RFTN1: variants seen among roughly 807,000 people sequenced by gnomAD.
RFTN1 encodes the protein raftlin, lipid raft linker 1, also known as raftlin.
Under a neutral mutation model 46.5 loss-of-function variants are expected in RFTN1, and 26 were observed. The ratio of observed to expected loss-of-function variants is 0.56; its 90% CI spans 0.41 to 0.78. The LOEUF (loss-of-function observed/expected upper bound fraction) is 0.78. RFTN1 is among the 30% of genes least tolerant of loss of function. The pLI is 0.00. For missense variants in RFTN1, 693 were observed against 718.7 expected (o/e 0.96, Z 0.41); for synonymous variants, 261 against 284.2 (o/e 0.92, Z 0.82).
intron 2 of RFTN1, among the ~76,000 whole-genome samples, chr3:16,490,299 A>G (rs1320550234): frequency 6.6e-6 from 1 of 152,254 alleles, no homozygotes; most frequent in African/African-American, 2.4e-5. Context: ...ATGGTTGTCA[A>G]GAAGGAACAA....
Position 16,385,424 on chromosome 3 carries a change from G to A in RFTN1, c.442-7322C>T, listed in dbSNP as rs2074137097. ...GGAAAGATCATGTAAACTTTCTGCT[G>A]TTGTGGTTTTCTCATTTAGCGACTG... On this transcript the variant is annotated intron_variant, in intron 4 of 9. Transcript: ENST00000334133. The surrounding 1 kb of genome is among the most constrained non-coding windows in gnomAD (Gnocchi z 5.0). Among the ~76,000 whole-genome samples the A allele has an allele frequency of 6.6e-6, 1 of 152,176 alleles. No homozygotes were observed. The highest frequency in any genetic ancestry group is 2.1e-4 in the South Asian group (1 of 4,826).
chr3:16,454,855 T>G, intron 2 of RFTN1: 11 of 822,200 alleles, frequency 1.3e-5, no homozygotes, highest in Non-Finnish European at 1.6e-5. Context: ...ACAACTAGCT[T>G]TTTGCCTAGT....
At position 16,489,151 on chromosome 3, in the gene RFTN1, C is replaced by T. The variant is rs2076500377; in HGVS notation, c.145+4574G>A. ...CAGTGATGGAGGCCGGGTGAGGTGG[C>T]TCACACCTGTAATCCCGGCACTTTG... On this transcript the variant is annotated intron_variant, in intron 2 of 9. Transcript: ENST00000334133. The surrounding 1 kb of genome is among the most constrained non-coding windows in gnomAD (Gnocchi z 4.0). 6.6e-6 allele frequency among the ~76,000 whole-genome samples: 1 copy of T among 152,138 alleles called. No individual in the cohort carries two copies. Among genetic ancestry groups the T allele is most frequent in the Non-Finnish European group, 1.5e-5 (1 of 68,036 alleles).
At position 16,433,775 on chromosome 3, in the gene RFTN1, C is replaced by T. The variant is rs1448014442; in HGVS notation, c.332+76G>A. The T allele has an allele frequency of 9.4e-6, 14 of 1,484,854 alleles. No individual in the cohort carries two copies. In the South Asian group the frequency reaches 1.6e-4, roughly 17 times the overall value. The allele number at this position is 1,484,854 out of a possible 1,614,324, so 92.0% of individuals were successfully genotyped here. ...TGCAAATTTCAACCCCCAACCCCAT[C>T]CTCTCACTTCCCCTCCTCTATTGAG... is the stretch of plus-strand genomic sequence containing the variant. On this transcript the variant is annotated intron_variant, in intron 3 of 9. Transcript: ENST00000334133. This position sits in a 1 kb window ranked among gnomAD's most constrained non-coding sequence, Gnocchi z 4.4.
In RFTN1 at chr3:16,400,486, G is replaced by A. The variant is rs1685874820; in HGVS notation, c.441+8889C>T. ...TGCTCTGTGTCTGTGCCCTCAGCTA[G>A]ACTCTAAGTTTCACGTGTCCAGGGC... On this transcript the variant is annotated intron_variant, in intron 4 of 9. Coordinates refer to ENST00000334133, the MANE Select transcript of RFTN1 (RefSeq NM_015150.2). The surrounding 1 kb of genome is among the most constrained non-coding windows in gnomAD (Gnocchi z 4.5). Among the ~76,000 whole-genome samples, 1 of 152,218 alleles carries A rather than the reference G, an allele frequency of 6.6e-6. No homozygotes were observed. Among genetic ancestry groups the A allele is most frequent in the Non-Finnish European group, 1.5e-5 (1 of 68,044 alleles).
chr3:16,373,716 G>C (rs767461879), intron 5 of RFTN1, among the ~76,000 whole-genome samples: 1 of 152,218 alleles, frequency 6.6e-6, no homozygotes. Context: ...GGAGGAGGCA[G>C]CTGGTCATTA....
chr3:16,450,031 C>T lies in RFTN1; in HGVS notation c.146-15994G>A, dbSNP rs2075797809. On this transcript the variant is annotated intron_variant, in intron 2 of 9. Transcript: ENST00000334133. This position sits in a 1 kb window ranked among gnomAD's most constrained non-coding sequence, Gnocchi z 4.6. ...GCAGGAATACATTAAGGACATAGCA[C>T]ACAAAGCAAAGGCAGAAGACATGTC... 6.6e-6 allele frequency among the ~76,000 whole-genome samples: 1 copy of T among 152,176 alleles called. No individual in the cohort carries two copies. Among genetic ancestry groups the T allele is most frequent in the Non-Finnish European group, 1.5e-5 (1 of 68,026 alleles).
intron 1 of RFTN1, among the ~76,000 whole-genome samples, chr3:16,494,194 T>A (rs568702453): frequency 9.2e-5 from 14 of 152,274 alleles, no homozygotes; most frequent in African/African-American, 2.4e-4. Flanking sequence ...AGTTCCACTA[T>A]AATCTGTATC....
chr3:16,417,595 G>T (rs1427215545), intron 3 of RFTN1, among the ~76,000 whole-genome samples: 1 of 152,146 alleles, frequency 6.6e-6, no homozygotes, highest in East Asian at 1.9e-4. Flanking sequence ...CAAACTCAGA[G>T]ATGTACCTGG....
intron 2 of RFTN1, among the ~76,000 whole-genome samples, chr3:16,469,775 A>C (rs1178666698): frequency 2.0e-5 from 3 of 152,244 alleles, no homozygotes; most frequent in African/African-American, 7.2e-5. Context: ...CTTGCACAAC[A>C]GCACTGACTG....
Position 16,448,116 on chromosome 3 carries a change from A to G in RFTN1, c.146-14079T>C, listed in dbSNP as rs1455326665. Among the ~76,000 whole-genome samples, 1 of 151,624 alleles carries G rather than the reference A, an allele frequency of 6.6e-6. No homozygotes were observed. The highest frequency in any genetic ancestry group is 1.5e-5 in the Non-Finnish European group (1 of 67,946). On this transcript the variant is annotated intron_variant, in intron 2 of 9. Transcript: ENST00000334133. This position sits in a 1 kb window ranked among gnomAD's most constrained non-coding sequence, Gnocchi z 4.1. ...AATAAATACACACAGGATTTCAAAG[A>G]CTTGGTAAAAAAAAAAAAAGTCTCC... is the stretch of plus-strand genomic sequence containing the variant.
intron 1 of RFTN1, among the ~76,000 whole-genome samples, chr3:16,496,075 T>A (rs904943054): frequency 6.6e-6 from 1 of 152,214 alleles, no homozygotes; most frequent in Non-Finnish European, 1.5e-5. Flanking sequence ...AAAACCCACA[T>A]TAAAGAGTGA....
rs1175265799 is a variant in RFTN1, at chr3:16,480,850, C to A, written c.145+12875G>T. Among the ~76,000 whole-genome samples the A allele has an allele frequency of 6.6e-6, 1 of 152,176 alleles. No homozygotes were observed. The highest frequency in any genetic ancestry group is 1.5e-5 in the Non-Finnish European group (1 of 68,030). ...AATTATTACCACTACCTCAAGGCTG[C>A]TTTTATGAATCCCTGCAGAAAAATA... On this transcript the variant is annotated intron_variant, in intron 2 of 9. Transcript: ENST00000334133. This position sits in a 1 kb window ranked among gnomAD's most constrained non-coding sequence, Gnocchi z 4.3.
In RFTN1 at chr3:16,491,778, C is replaced by CA. The variant is rs375549645; in HGVS notation, c.145+1946dup. 1.7e-3 allele frequency among the ~76,000 whole-genome samples: 250 copies of CA among 144,886 alleles called. 2 individuals carry two copies. The highest frequency in any genetic ancestry group is 4.4e-3 in the African/African-American group (174 of 39,914). On this transcript the variant is annotated intron_variant, in intron 2 of 9. Transcript: ENST00000334133. ...CAAACAAACAAACAAACAAAACAAA[C>CA]AAAAAAAAAAAACAACTGCAAATGG...
In RFTN1 at chr3:16,433,831, T is replaced by C. The variant is rs746226405; in HGVS notation, c.332+20A>G. 1 of 1,612,754 alleles carries C rather than the reference T, an allele frequency of 6.2e-7. No homozygotes were observed. The highest frequency in any genetic ancestry group is 1.1e-5 in the South Asian group (1 of 91,060). Reference sequence around the variant, plus strand: ...CTTAGCCGCAACAGGATGCTACCCATTCACCCGTGGAGGCCTTACCTGTCG... The same window carrying C: ...CTTAGCCGCAACAGGATGCTACCCACTCACCCGTGGAGGCCTTACCTGTCG... On this transcript the variant is annotated intron_variant, in intron 3 of 9. Transcript: ENST00000334133. This position sits in a 1 kb window ranked among gnomAD's most constrained non-coding sequence, Gnocchi z 4.4.
rs1407210951 is a variant in RFTN1 at position 16,475,923 on chromosome 3, C to A, written c.145+17802G>T. 6.6e-6 allele frequency among the ~76,000 whole-genome samples: 1 copy of A among 152,214 alleles called. No individual in the cohort carries two copies. The highest frequency in any genetic ancestry group is 1.5e-5 in the Non-Finnish European group (1 of 68,042). ...CACCCAGAGACAGACACCATGCCAACTGGGACTTTTTGTCTTCCCTTAAGA... is the reference window on the plus strand; with the variant it reads ...CACCCAGAGACAGACACCATGCCAAATGGGACTTTTTGTCTTCCCTTAAGA... On this transcript the variant is annotated intron_variant, in intron 2 of 9. Transcript: ENST00000334133. This position sits in a 1 kb window ranked among gnomAD's most constrained non-coding sequence, Gnocchi z 4.2.
Position 16,484,737 on chromosome 3 carries a change from G to A in RFTN1, c.145+8988C>T, listed in dbSNP as rs939366278. 1 of 152,158 alleles carries A rather than the reference G, an allele frequency of 6.6e-6. No homozygotes were observed. Among genetic ancestry groups the A allele is most frequent in the Admixed American group, 6.5e-5 (1 of 15,286 alleles). 9.4% of individuals were successfully genotyped at this position (152,158 alleles called of 1,614,324 possible). ...CCACCACAGCACACAGAAGATTCAGGAACCAAGAAAGCCAAAGTGAAGGCT... is the reference window on the plus strand; with the variant it reads ...CCACCACAGCACACAGAAGATTCAGAAACCAAGAAAGCCAAAGTGAAGGCT... On this transcript the variant is annotated intron_variant, in intron 2 of 9. Transcript: ENST00000334133. This position sits in a 1 kb window ranked among gnomAD's most constrained non-coding sequence, Gnocchi z 4.6.
chr3:16,429,004 A>G lies in RFTN1; in HGVS notation c.332+4847T>C, dbSNP rs2075336088. 6.6e-6 allele frequency among the ~76,000 whole-genome samples: 1 copy of G among 152,252 alleles called. No individual in the cohort carries two copies. The highest frequency in any genetic ancestry group is 1.9e-4 in the East Asian group (1 of 5,198). Reference sequence around the variant, plus strand: ...GTGTTCCAAAGAAAGAGTTGAGAAAATGAAGTACAAACTCTCTTTCTACTT... The same window carrying G: ...GTGTTCCAAAGAAAGAGTTGAGAAAGTGAAGTACAAACTCTCTTTCTACTT... On this transcript the variant is annotated intron_variant, in intron 3 of 9. Coordinates refer to ENST00000334133, the MANE Select transcript of RFTN1 (RefSeq NM_015150.2). This position sits in a 1 kb window ranked among gnomAD's most constrained non-coding sequence, Gnocchi z 6.4.
intron 7 of RFTN1, among the ~76,000 whole-genome samples, chr3:16,355,033 A>G (rs901065325): frequency 6.6e-6 from 1 of 152,100 alleles, no homozygotes; most frequent in Non-Finnish European, 1.5e-5. Context: ...TTTACTGTCC[A>G]TATTTCTATG....
Sources: allele counts gnomAD v4.1 joint callset (sites outside exome capture counted in the v4.1 genomes callset), GRCh38; gene constraint gnomAD v4.1.1; non-coding constraint Gnocchi (gnomAD v3.1); transcripts MANE v1.5; gene names NCBI Gene and HGNC (gene_info 2026-07-23, HGNC 2026-07-21).